The following DCDC1 variants were observed in gnomAD, a reference collection of about 807,000 sequenced individuals.
DCDC1 encodes doublecortin domain containing 1, also known as doublecortin domain-containing protein 1.
In DCDC1, 200 loss-of-function variants were observed where a neutral mutation model predicts 178.3. The ratio of observed to expected loss-of-function variants is 1.12; its 90% CI spans 1.00 to 1.26. The LOEUF (loss-of-function observed/expected upper bound fraction) is 1.26. Among genes scored for constraint, DCDC1 ranks in the 50% most tolerant of loss-of-function variants. The pLI is 0.00. For synonymous variants in DCDC1, 690 were observed against 604.8 expected (o/e 1.14, Z -2.07); for missense variants, 1,983 against 1,749.2 (o/e 1.13, Z -2.38).
At chr11:31,355,099 G>A (rs1951270197) in intron 1 of DCDC1, among the ~76,000 whole-genome samples, 1 of 152,104 alleles carries the variant, frequency 6.6e-6, no homozygotes, top group Non-Finnish European at 1.5e-5. Context: ...GATTTTCTAT[G>A]GCTAGAGAGG....
chr11:30,929,005 G>T (rs1946763160), intron 22 of DCDC1, among the ~76,000 whole-genome samples: 1 of 151,984 alleles, frequency 6.6e-6, no homozygotes, highest in African/African-American at 2.4e-5. Context: ...AAAGTTTTAA[G>T]TTAGGAAACT....
intron 7 of DCDC1, among the ~76,000 whole-genome samples, chr11:31,290,262 C>G (rs1947127807): frequency 6.6e-6 from 1 of 151,928 alleles, no homozygotes; most frequent in Non-Finnish European, 1.5e-5. Flanking sequence ...TAGGTCTTAC[C>G]ACTATTCTAA....
At chr11:31,335,744 C>A (rs1195750768) in intron 1 of DCDC1, among the ~76,000 whole-genome samples, 180 bp from the exon 2 acceptor site, 2 of 152,098 alleles carry the variant, frequency 1.3e-5, no homozygotes, top group Non-Finnish European at 2.9e-5. Context: ...GGGACCAGTA[C>A]CTGGAGGCTG....
At chr11:31,285,863 C>T (rs571299387) in intron 7 of DCDC1, among the ~76,000 whole-genome samples, 1 of 151,830 alleles carries the variant, frequency 6.6e-6, no homozygotes, top group Admixed American at 6.6e-5. Flanking sequence ...TACACATAAC[C>T]ACTCTTTTTC....
At chr11:30,905,824 G>A (rs908046927) in intron 30 of DCDC1, among the ~76,000 whole-genome samples, 1 of 152,170 alleles carries the variant, frequency 6.6e-6, no homozygotes, top group Admixed American at 6.5e-5. Flanking sequence ...TGCTTCTGTT[G>A]ATGTTTTTTG....
intron 32 of DCDC1, 107 bp from the exon 33 acceptor site, chr11:30,900,605 T>C: frequency 4.3e-6 from 5 of 1,176,118 alleles, no homozygotes; most frequent in Non-Finnish European, 5.5e-6. Context: ...TAACTTAATT[T>C]GATTTAAACA....
chr11:31,107,174 G>A (rs208078), intron 12 of DCDC1, among the ~76,000 whole-genome samples: 2 of 151,962 alleles, frequency 1.3e-5, no homozygotes, highest in Admixed American at 6.6e-5. Flanking sequence ...CAGCAGGGGG[G>A]GCCACAGGCT....
rs1044127497 is a variant in DCDC1, at chr11:30,888,673, C to T, written c.5082+4145G>A. ...CGGAGGTTTCAGTGAGCTAAGATAG[C>T]GCCATTGCACTCCAGCCTGGGCAAC... On this transcript the variant is annotated intron_variant, in intron 36 of 38. Coordinates refer to ENST00000684477, the MANE Select transcript of DCDC1 (RefSeq NM_001387274.1). Among the ~76,000 whole-genome samples the T allele has an allele frequency of 1.4e-4, 22 of 152,048 alleles. No individual in the cohort carries two copies. The South Asian group carries it at 3.1e-3, about 22-fold the overall frequency.
chr11:31,119,335 T>C (rs1960460232), intron 11 of DCDC1, among the ~76,000 whole-genome samples: 1 of 152,166 alleles, frequency 6.6e-6, no homozygotes, highest in Admixed American at 6.6e-5. Context: ...CCACAATTCC[T>C]TTTCAAATGA....
At chr11:30,952,665 C>A in intron 20 of DCDC1, 97 bp from the exon 21 acceptor site, 1 of 451,080 alleles carries the variant, frequency 2.2e-6, no homozygotes, top group Non-Finnish European at 3.8e-6. Context: ...ATACACTAGG[C>A]AAAAACTCAG....
rs1196365505 is a variant in DCDC1, at chr11:31,348,477, A to G, written c.-124-12913T>C. Among the ~76,000 whole-genome samples the G allele has an allele frequency of 2.0e-5, 3 of 152,164 alleles. No homozygotes were observed. The East Asian group carries it at 5.8e-4, about 29-fold the overall frequency. On this transcript the variant is annotated intron_variant, in intron 1 of 38. Transcript: ENST00000684477. ...AGAGTTTTAGGCCATATTCCACTAA[A>G]CAAGAGGTTGTATCTGTCCCTTGAA...
At chr11:31,237,614 A>G (rs1342807332) in intron 9 of DCDC1, among the ~76,000 whole-genome samples, 2 of 152,026 alleles carry the variant, frequency 1.3e-5, no homozygotes, top group African/African-American at 4.8e-5. Context: ...AAATAGCTCA[A>G]ATACACATTT....
intron 38 of DCDC1, among the ~76,000 whole-genome samples, chr11:30,872,113 A>C (rs893614106): frequency 1.3e-5 from 2 of 152,090 alleles, no homozygotes; most frequent in African/African-American, 4.8e-5. Flanking sequence ...AATCAGGCCC[A>C]TGCATGCCCC....
At position 31,333,788 on chromosome 11, in the gene DCDC1, C is replaced by G. The variant is rs566932096; in HGVS notation, c.-7+1659G>C. Reference sequence around the variant, plus strand: ...GGCTTCCCTTTGTGGGTAACCCGACCTTTCTCTCTGGCTGCCCTTAACATT... The same window carrying G: ...GGCTTCCCTTTGTGGGTAACCCGACGTTTCTCTCTGGCTGCCCTTAACATT... On this transcript the variant is annotated intron_variant, in intron 2 of 38. Coordinates refer to ENST00000684477, the MANE Select transcript of DCDC1 (RefSeq NM_001387274.1). Among the ~76,000 whole-genome samples, 44 of 152,232 alleles carry G rather than the reference C, an allele frequency of 2.9e-4. No homozygotes were observed. In the Middle Eastern group the frequency reaches 0.01, roughly 35 times the overall value.
Position 31,102,184 on chromosome 11 carries a change from T to C in DCDC1, c.1976A>G (p.Gln659Arg). 1 of 716,378 alleles carries C rather than the reference T, an allele frequency of 1.4e-6. No individual in the cohort carries two copies. Among genetic ancestry groups the C allele is most frequent in the Non-Finnish European group, 2.6e-6 (1 of 387,850 alleles). 44.4% of individuals were successfully genotyped at this position (716,378 alleles called of 1,614,324 possible). ...EKVDLENHFLQNKVDPNIVLH... is the reference protein window; with the variant it reads ...EKVDLENHFLRNKVDPNIVLH... ...CAATAACTAAAATCCCACCTTGTTC[T>C]GTAGAAAATGGTTCTCCAAGTCCAC... is the stretch of plus-strand genomic sequence containing the variant. The change falls in exon 15 of 39, where the codon CAG becomes CGG. Residue 659 changes from glutamine (Q) to arginine (R), a missense_variant. Physicochemically the swap from Gln to Arg is conservative, Grantham distance 43. Transcript: ENST00000684477.
At chr11:31,091,648 C>T (rs145372883) in intron 16 of DCDC1, 137 bp from the exon 17 acceptor site, 2 of 606,496 alleles carry the variant, frequency 3.3e-6, no homozygotes, top group East Asian at 2.8e-5. Flanking sequence ...TGAAACACTA[C>T]CCACAACTTA....
intron 8 of DCDC1, among the ~76,000 whole-genome samples, chr11:31,259,196 C>CA (rs1944614884): frequency 6.6e-6 from 1 of 151,734 alleles, no homozygotes; most frequent in Non-Finnish European, 1.5e-5. Context: ...ACTAAAAATA[C>CA]AAAAAAATTA....
At chr11:30,943,820 A>G in intron 21 of DCDC1, 1 of 322,122 alleles carries the variant, frequency 3.1e-6, no homozygotes, top group East Asian at 7.9e-5. Context: ...TATGAATAAT[A>G]TTTAAAAGTG....
At position 31,306,214 on chromosome 11, in the gene DCDC1, C is replaced by T. The variant is rs1948448588; in HGVS notation, c.591+18G>A. 4.1e-6 allele frequency: 6 copies of T among 1,472,752 alleles called. No homozygotes were observed. Among genetic ancestry groups the T allele is most frequent in the Non-Finnish European group, 5.4e-6 (6 of 1,109,670 alleles). 91.2% of individuals were successfully genotyped at this position (1,472,752 alleles called of 1,614,324 possible). On this transcript the variant is annotated intron_variant, in intron 5 of 38. Coordinates refer to ENST00000684477, the MANE Select transcript of DCDC1 (RefSeq NM_001387274.1). ...GGGAAAAAAAATAAAGCACAGAAAA[C>T]TTTGGAACACTAGTTACCAAGGTGA...
Sources: allele counts gnomAD v4.1 joint callset (sites outside exome capture counted in the v4.1 genomes callset), GRCh38; gene constraint gnomAD v4.1.1; transcripts MANE v1.5; gene names NCBI Gene and HGNC (gene_info 2026-07-23, HGNC 2026-07-21).